Variants in ROBO1 observed in about 807,000 individuals in gnomAD.
ROBO1 encodes roundabout homolog 1.
Under a neutral mutation model 195.9 loss-of-function variants are expected in ROBO1, and 149 were observed. The ratio of observed to expected loss-of-function variants is 0.76; its 90% confidence interval spans 0.67 to 0.87. ROBO1 has a LOEUF of 0.87. Among genes scored for constraint, ROBO1 ranks in the 40% least tolerant of loss-of-function variants. The pLI is 0.00. For missense variants in ROBO1, 1,933 were observed against 2,068.3 expected, an observed-to-expected ratio of 0.93 and a Z score of 1.27; for synonymous variants, 816 against 733.2, an observed-to-expected ratio of 1.11 and a Z score of -1.82.
intron 21 of ROBO1, among the ~76,000 whole-genome samples, chr3:78,643,546 T>C (rs946518206): frequency 2.0e-5 from 3 of 152,126 alleles, no homozygotes; most frequent in Admixed American, 6.6e-5. Context: ...AATGCAATCT[T>C]GGCAAATGGC....
chr3:79,585,156 T>G (rs1943789300), intron 2 of ROBO1, among the ~76,000 whole-genome samples: 1 of 151,746 alleles, frequency 6.6e-6, no homozygotes, highest in South Asian at 2.1e-4. Context: ...AAGGCAAAAT[T>G]GTCTAAGGTT....
At chr3:79,452,442 A>G (rs1430322769) in intron 2 of ROBO1, among the ~76,000 whole-genome samples, 1 of 152,068 alleles carries the variant, frequency 6.6e-6, no homozygotes, top group Non-Finnish European at 1.5e-5. Context: ...GGCATAAGAT[A>G]TCACCCTCCA....
At chr3:79,523,472 CTTTTTTTTTTT>C (rs11357932) in intron 2 of ROBO1, among the ~76,000 whole-genome samples, 9 of 100,416 alleles carry the variant, frequency 9.0e-5, no homozygotes, top group African/African-American at 3.2e-4. Flanking sequence ...TTTTTTTTTT[CTTTTTTTTTTT>C]TTTTTTGAGA....
At chr3:79,334,097 G>A (rs1185618111) in intron 2 of ROBO1, among the ~76,000 whole-genome samples, 2 of 151,724 alleles carry the variant, frequency 1.3e-5, no homozygotes, top group Non-Finnish European at 2.9e-5. Flanking sequence ...CCTGAGGTTA[G>A]GAGTTGGAGA....
rs75061171 is a variant in ROBO1 at position 79,709,691 on chromosome 3, G to C, written c.-51+58061C>G. 9.6e-3 allele frequency among the ~76,000 whole-genome samples: 1,454 copies of C among 151,664 alleles called. 20 individuals are homozygous for C. The highest frequency in any genetic ancestry group is 0.034 in the Middle Eastern group (10 of 294). ...AAAACGCTTTTGTTATGCTCTCAATGTTTGTGTCCCTCCGCCTGCCCCAAA... is the reference window on the plus strand; with the variant it reads ...AAAACGCTTTTGTTATGCTCTCAATCTTTGTGTCCCTCCGCCTGCCCCAAA... On this transcript the variant is annotated intron_variant, in intron 1 of 30. Coordinates refer to ENST00000464233, the MANE Select transcript of ROBO1 (RefSeq NM_002941.4).
At chr3:79,538,661 T>C (rs1481052355) in intron 2 of ROBO1, among the ~76,000 whole-genome samples, 1 of 152,140 alleles carries the variant, frequency 6.6e-6, no homozygotes, top group African/African-American at 2.4e-5. Context: ...TTCTAGGATC[T>C]GTCTTTTCAA....
At chr3:79,560,809 C>T (rs13069194) in intron 2 of ROBO1, among the ~76,000 whole-genome samples, 36,830 of 151,740 alleles carry the variant, frequency 0.24, 5,108 homozygotes, top group African/African-American at 0.37. Context: ...CTAAGTGCTT[C>T]GCTATTATGT....
intron 8 of ROBO1, 54 bp downstream of exon 8, chr3:78,714,343 G>A: frequency 6.4e-7 from 1 of 1,562,210 alleles, no homozygotes; most frequent in South Asian, 1.2e-5. Flanking sequence ...TCAATTATCA[G>A]CACTATATTT....
rs1252657303 is a variant in ROBO1 at position 79,307,397 on chromosome 3, C to G, written c.89-181858G>C. ...ATCTGGTGAAATTCAAGCTGCCATT[C>G]TGTAAAAACAACTCTAAAGTGTACT... On this transcript the variant is annotated intron_variant, in intron 2 of 30. Coordinates refer to ENST00000464233, the MANE Select transcript of ROBO1 (RefSeq NM_002941.4). Among the ~76,000 whole-genome samples, 12 of 152,142 alleles carry G rather than the reference C, an allele frequency of 7.9e-5. No individual in the cohort carries two copies. The East Asian group carries it at 1.5e-3, about 20-fold the overall frequency.
rs149052265 is a variant in ROBO1 at position 79,002,462 on chromosome 3, A to G, written c.173-63535T>C. Among the ~76,000 whole-genome samples, 742 of 152,266 alleles carry G rather than the reference A, an allele frequency of 4.9e-3. 7 individuals are homozygous for G. Among genetic ancestry groups the G allele is most frequent in the African/African-American group, 0.017 (711 of 41,572 alleles). ...TAAGAAATTTGTGTGTTTTGCATTT[A>G]ATCTATCCCTCATTTACAGATAAGG... is the stretch of plus-strand genomic sequence containing the variant. On this transcript the variant is annotated intron_variant, in intron 3 of 30. Coordinates refer to ENST00000464233, the MANE Select transcript of ROBO1 (RefSeq NM_002941.4).
chr3:79,525,582 G>A (rs1288635853), intron 2 of ROBO1, among the ~76,000 whole-genome samples: 3 of 145,054 alleles, frequency 2.1e-5, no homozygotes, highest in Non-Finnish European at 4.5e-5. Flanking sequence ...TTTTTGGTAT[G>A]TGTTTAGTGT....
chr3:78,706,374 C>T (rs537806710), intron 8 of ROBO1, among the ~76,000 whole-genome samples: 15 of 152,050 alleles, frequency 9.9e-5, no homozygotes, highest in Admixed American at 3.3e-4. Context: ...AGAAAGGAGG[C>T]TAGTATCATC....
chr3:79,494,932 C>T (rs1186196464), intron 2 of ROBO1, among the ~76,000 whole-genome samples: 3 of 152,080 alleles, frequency 2.0e-5, no homozygotes, highest in African/African-American at 4.8e-5. Flanking sequence ...AATGCATCAG[C>T]GCTTACACCT....
chr3:78,993,429 T>C (rs572357289), intron 3 of ROBO1, among the ~76,000 whole-genome samples: 17 of 152,268 alleles, frequency 1.1e-4, no homozygotes, highest in Admixed American at 6.5e-4. Flanking sequence ...TAGGCAGGAA[T>C]ACAAAGGCCT....
At chr3:79,402,424 A>G (rs2037400389) in intron 2 of ROBO1, among the ~76,000 whole-genome samples, 1 of 152,010 alleles carries the variant, frequency 6.6e-6, no homozygotes, top group Non-Finnish European at 1.5e-5. Flanking sequence ...AGAAACAGCT[A>G]TCTTCCTGTT....
At chr3:79,323,624 T>C (rs530420456) in intron 2 of ROBO1, among the ~76,000 whole-genome samples, 2 of 152,190 alleles carry the variant, frequency 1.3e-5, no homozygotes, top group African/African-American at 4.8e-5. Context: ...ATACATAAGA[T>C]TGAAGTTATG....
At chr3:79,292,231 C>T (rs550526703) in intron 2 of ROBO1, among the ~76,000 whole-genome samples, 1 of 152,210 alleles carries the variant, frequency 6.6e-6, no homozygotes, top group South Asian at 2.1e-4. Flanking sequence ...GATTTTGTAA[C>T]CTGAGACTTT....
chr3:79,046,758 T>C (rs999729003), intron 3 of ROBO1, among the ~76,000 whole-genome samples: 6 of 152,168 alleles, frequency 3.9e-5, no homozygotes, highest in Non-Finnish European at 7.4e-5. Context: ...GTGGATCTGA[T>C]TTCCCCAGCC....
At chr3:78,842,569 C>A (rs1280270888) in intron 4 of ROBO1, among the ~76,000 whole-genome samples, 4 of 119,518 alleles carry the variant, frequency 3.3e-5, no homozygotes, top group African/African-American at 1.3e-4. Flanking sequence ...TATATATGAG[C>A]CATTTATATA....
Sources: allele counts gnomAD v4.1 joint callset (sites outside exome capture counted in the v4.1 genomes callset), GRCh38; gene constraint gnomAD v4.1.1; transcripts MANE v1.5; gene names NCBI Gene and HGNC (gene_info 2026-07-23, HGNC 2026-07-21).